ADAM19: variants seen among roughly 807,000 people sequenced by gnomAD.
ADAM19 encodes ADAM metallopeptidase domain 19.
A neutral mutation model predicts 114.7 loss-of-function variants in ADAM19; 65 were observed. The ratio of observed to expected loss-of-function variants is 0.57; its 90% confidence interval spans 0.46 to 0.70. ADAM19 has a LOEUF of 0.70. Among genes scored for constraint, ADAM19 ranks in the 30% least tolerant of loss-of-function variants. The pLI, the probability that ADAM19 is intolerant of heterozygous loss-of-function variation, is 0.00. For missense variants in ADAM19, 1,063 were observed against 1,204.7 expected (o/e 0.88, Z 1.74); for synonymous variants, 466 against 460.5 (o/e 1.01, Z -0.15).
intron 12 of ADAM19, among the ~76,000 whole-genome samples, chr5:157,500,738 A>C (rs1466963523): frequency 6.6e-6 from 1 of 152,128 alleles, no homozygotes; most frequent in Non-Finnish European, 1.5e-5. Context: ...GAAGATCTCC[A>C]TGGGTTCCTT....
Position 157,480,683 on chromosome 5 carries a change from C to T in ADAM19, c.*266G>A, listed in dbSNP as rs1754718930. ...AGTCTGGAGGAGAAGCTGCCAGTCA[C>T]CCTCCTCATACTCTCCCCTCCCTAC... On this transcript the variant is annotated 3_prime_UTR_variant, in exon 23 of 23. Transcript: ENST00000257527. The T allele has an allele frequency of 1.3e-5, 17 of 1,265,368 alleles. No homozygotes were observed. Among genetic ancestry groups the T allele is most frequent in the Non-Finnish European group, 1.7e-5 (17 of 1,001,124 alleles). The allele number at this position is 1,265,368 out of a possible 1,614,324, so 78.4% of individuals were successfully genotyped here.
At chr5:157,491,960 G>A (rs752656815) in intron 16 of ADAM19, 48 bp from the exon 17 acceptor site, 6 of 1,599,344 alleles carry the variant, frequency 3.8e-6, no homozygotes, top group Middle Eastern at 1.7e-4. Flanking sequence ...AGGGATGCTG[G>A]TTGGGAGTTA....
intron 5 of ADAM19, among the ~76,000 whole-genome samples, chr5:157,528,597 A>G (rs1252600977): frequency 6.6e-6 from 1 of 152,132 alleles, no homozygotes. Flanking sequence ...TCCAAAGCCC[A>G]TTTCCTGCCT....
At position 157,500,072 on chromosome 5, in the gene ADAM19, C is replaced by A. The variant is rs1294412497; in HGVS notation, c.1309-410G>T. Reference sequence around the variant, plus strand: ...GGGATTATAGGCATGAACCACCGCACCTGGCCTGGAAACTTTTGACCTCAA... The same window carrying A: ...GGGATTATAGGCATGAACCACCGCAACTGGCCTGGAAACTTTTGACCTCAA... On this transcript the variant is annotated intron_variant, in intron 12 of 22. Coordinates refer to ENST00000257527, the MANE Select transcript of ADAM19 (RefSeq NM_033274.5). 5.3e-5 allele frequency among the ~76,000 whole-genome samples: 8 copies of A among 152,180 alleles called. No individual in the cohort carries two copies. The South Asian group carries it at 1.0e-3, about 20-fold the overall frequency.
In ADAM19 at chr5:157,479,640, G is replaced by T; in HGVS notation, c.*1309C>A. 1.0e-6 allele frequency: 1 copy of T among 985,992 alleles called. No homozygotes were observed. Among genetic ancestry groups the T allele is most frequent in the Non-Finnish European group, 1.2e-6 (1 of 830,072 alleles). 61.1% of individuals were successfully genotyped at this position (985,992 alleles called of 1,614,324 possible). A position where few individuals can be genotyped will look rare whatever the true frequency, so the allele number is the denominator to read the frequency against. ...TCTCTTTCTGTGAGGGTCAGGTAAGGGCAGTGACCAGAGAGAGAACAAAAG... is the reference window on the plus strand; with the variant it reads ...TCTCTTTCTGTGAGGGTCAGGTAAGTGCAGTGACCAGAGAGAGAACAAAAG... On this transcript the variant is annotated 3_prime_UTR_variant, in exon 23 of 23. Coordinates refer to ENST00000257527, the MANE Select transcript of ADAM19 (RefSeq NM_033274.5).
At chr5:157,533,605 G>A (rs1756683381) in intron 4 of ADAM19, among the ~76,000 whole-genome samples, 1 of 152,172 alleles carries the variant, frequency 6.6e-6, no homozygotes, top group Non-Finnish European at 1.5e-5. Flanking sequence ...GCTCAGAGAA[G>A]TTGGAATGAC....
intron 3 of ADAM19, among the ~76,000 whole-genome samples, chr5:157,555,353 A>G (rs1757337717): frequency 6.6e-6 from 1 of 152,238 alleles, no homozygotes; most frequent in Non-Finnish European, 1.5e-5. Flanking sequence ...ATATGTGACA[A>G]TCATTCCTAG....
chr5:157,573,771 T>C (rs1581365659), intron 1 of ADAM19, among the ~76,000 whole-genome samples: 1 of 148,540 alleles, frequency 6.7e-6, no homozygotes, highest in Non-Finnish European at 1.5e-5. Flanking sequence ...AAAGAAGGAA[T>C]GAAGGAAGGA....
chr5:157,526,410 A>C (rs72811316), intron 5 of ADAM19, among the ~76,000 whole-genome samples: 1 of 152,180 alleles, frequency 6.6e-6, no homozygotes, highest in African/African-American at 2.4e-5. Flanking sequence ...AAAAATTTTT[A>C]AAAAAGTAAA....
chr5:157,480,435 C>A lies in ADAM19; in HGVS notation c.*514G>T. ...CCCTCAACCAAGCCCTGGGCAGGGC[C>A]ACAGCAGTGGCTGGCTTGACCCTTC... On this transcript the variant is annotated 3_prime_UTR_variant, in exon 23 of 23. Transcript: ENST00000257527. The A allele has an allele frequency of 1.0e-6, 1 of 990,408 alleles. No individual in the cohort carries two copies. Among genetic ancestry groups the A allele is most frequent in the South Asian group, 4.6e-5 (1 of 21,716 alleles). 61.4% of individuals were successfully genotyped at this position (990,408 alleles called of 1,614,324 possible).
chr5:157,558,950 T>A (rs1162828158), intron 3 of ADAM19, among the ~76,000 whole-genome samples: 1 of 152,200 alleles, frequency 6.6e-6, no homozygotes, highest in Non-Finnish European at 1.5e-5. Context: ...TAGCACTGAA[T>A]GTTAATTTTC....
At chr5:157,519,393 G>A (rs774157700) in intron 6 of ADAM19, among the ~76,000 whole-genome samples, 4 of 152,030 alleles carry the variant, frequency 2.6e-5, no homozygotes, top group South Asian at 2.1e-4. Context: ...AGTGATTCCC[G>A]TGCCCCAGCC....
chr5:157,544,045 T>C (rs932835597), intron 3 of ADAM19, among the ~76,000 whole-genome samples: 4 of 152,198 alleles, frequency 2.6e-5, no homozygotes, highest in African/African-American at 9.7e-5. Flanking sequence ...GCCAAAGGCA[T>C]GGCCCTAAAG....
At chr5:157,545,527 C>A (rs1033568603) in intron 3 of ADAM19, among the ~76,000 whole-genome samples, 1 of 152,098 alleles carries the variant, frequency 6.6e-6, no homozygotes, top group Non-Finnish European at 1.5e-5. Flanking sequence ...CTATGCGTTG[C>A]CCCATATCCT....
At chr5:157,561,464 C>T (rs1223635706) in intron 3 of ADAM19, among the ~76,000 whole-genome samples, 2 of 152,124 alleles carry the variant, frequency 1.3e-5, no homozygotes, top group Non-Finnish European at 2.9e-5. Context: ...ATGTCCTCTC[C>T]CTCCCCCCAG....
At chr5:157,552,579 TGA>T (rs1185390941) in intron 3 of ADAM19, among the ~76,000 whole-genome samples, 1 of 147,612 alleles carries the variant, frequency 6.8e-6, no homozygotes, top group African/African-American at 2.5e-5. Flanking sequence ...CTCGGGAGGC[TGA>T]GACAGGAGAA....
At chr5:157,487,004 C>T (rs1561840207) in intron 21 of ADAM19, among the ~76,000 whole-genome samples, 3 of 152,208 alleles carry the variant, frequency 2.0e-5, no homozygotes, top group Admixed American at 6.5e-5. Context: ...AGCAAGAGGG[C>T]GGCCACCTGC....
At chr5:157,499,759 T>A in intron 12 of ADAM19, 97 bp from the exon 13 acceptor site, 1 of 653,912 alleles carries the variant, frequency 1.5e-6, no homozygotes, top group Non-Finnish European at 2.6e-6. Flanking sequence ...ACCCCAGCTC[T>A]CTAGCAACTA....
intron 5 of ADAM19, among the ~76,000 whole-genome samples, chr5:157,521,941 T>C (rs1756302445): frequency 6.6e-6 from 1 of 152,120 alleles, no homozygotes; most frequent in African/African-American, 2.4e-5. Context: ...GTTGCCAAGA[T>C]TACACCCAGT....
Sources: gnomAD v4.1 joint callset for allele counts (sites outside exome capture counted in the v4.1 genomes callset) on GRCh38, gnomAD v4.1.1 for gene constraint, MANE v1.5 for transcripts, NCBI Gene and HGNC (gene_info 2026-07-23, HGNC 2026-07-21) for gene names.